The following NR6A1 variants were observed in gnomAD, a reference collection of about 807,000 sequenced individuals.
NR6A1 encodes the protein retinoic acid receptor-related testis-associated receptor.
In NR6A1, 7 loss-of-function variants were observed where a neutral mutation model predicts 59.1. The ratio of observed to expected loss-of-function variants is 0.12; its 90% CI spans 0.07 to 0.22. The LOEUF (loss-of-function observed/expected upper bound fraction) is 0.22. Ranked by LOEUF, NR6A1 falls within the 10% of genes least tolerant of loss-of-function variation. The pLI is 1.00. For synonymous variants in NR6A1, 243 were observed against 236.1 expected (o/e 1.03, Z -0.27); for missense variants, 468 against 611.6 (o/e 0.77, Z 2.48).
chr9:124,619,303 G>A lies in NR6A1; in HGVS notation c.143-64733C>T, dbSNP rs561441646. Among the ~76,000 whole-genome samples, 98 of 152,022 alleles carry A rather than the reference G, an allele frequency of 6.4e-4. 1 individual carries two copies. The South Asian group carries it at 0.018, about 28-fold the overall frequency. The stretch of plus-strand genomic sequence containing the variant: ...TTTTGAGACAGGGTCTCCCTCTGTC[G>A]CCCAGGCTGGAGTGCAGTGGCGCAA... On this transcript the variant is annotated intron_variant, in intron 2 of 9. Transcript: ENST00000487099.
At chr9:124,634,978 T>C (rs1451891811) in intron 2 of NR6A1, among the ~76,000 whole-genome samples, 1 of 152,166 alleles carries the variant, frequency 6.6e-6, no homozygotes, top group African/African-American at 2.4e-5. Flanking sequence ...TTGATACAAA[T>C]GATGAAACTA....
chr9:124,595,795 C>G (rs1413520095), intron 2 of NR6A1: 2 of 1,289,572 alleles, frequency 1.6e-6, no homozygotes, highest in Non-Finnish European at 2.0e-6. Context: ...CTGAAAAGTT[C>G]TATTGCAGCC....
At chr9:124,616,831 A>G (rs1236859360) in intron 2 of NR6A1, among the ~76,000 whole-genome samples, 1 of 152,196 alleles carries the variant, frequency 6.6e-6, no homozygotes, top group Non-Finnish European at 1.5e-5. Flanking sequence ...AATTAAAAAT[A>G]GTGGTATATT....
At chr9:124,733,275 AC>A in intron 2 of NR6A1, 32 bp downstream of exon 2, 1 of 1,551,166 alleles carries the variant, frequency 6.4e-7, no homozygotes, top group Admixed American at 1.7e-5. Flanking sequence ...TCCTTTTCTT[AC>A]CAAAGAATAT....
At chr9:124,603,652 T>C (rs954186496) in intron 2 of NR6A1, among the ~76,000 whole-genome samples, 1 of 152,204 alleles carries the variant, frequency 6.6e-6, no homozygotes, top group Non-Finnish European at 1.5e-5. Context: ...TTCCGAAATA[T>C]GAGACCAAGG....
At chr9:124,724,534 CA>C (rs778956782) in intron 2 of NR6A1, among the ~76,000 whole-genome samples, 544 of 127,002 alleles carry the variant, frequency 4.3e-3, no homozygotes, top group East Asian at 0.021. Flanking sequence ...TAGCACATAC[CA>C]AAAAAAAAAA....
intron 2 of NR6A1, among the ~76,000 whole-genome samples, chr9:124,674,157 A>G (rs915306304): frequency 6.6e-6 from 1 of 152,182 alleles, no homozygotes; most frequent in Non-Finnish European, 1.5e-5. Flanking sequence ...GTGCTCCATA[A>G]ATGTTAGCTG....
intron 2 of NR6A1, among the ~76,000 whole-genome samples, chr9:124,585,907 T>C (rs537958659): frequency 1.3e-5 from 2 of 152,298 alleles, no homozygotes; most frequent in African/African-American, 2.4e-5. Context: ...GATGACAGCA[T>C]GTATGTTTAT....
intron 2 of NR6A1, among the ~76,000 whole-genome samples, chr9:124,575,224 A>G (rs1564186192): frequency 1.3e-5 from 2 of 152,322 alleles, no homozygotes; most frequent in East Asian, 3.9e-4. Flanking sequence ...ATCAAAACCT[A>G]GTACAGTATA....
At chr9:124,582,561 AC>A (rs1221127502) in intron 2 of NR6A1, among the ~76,000 whole-genome samples, 1 of 151,724 alleles carries the variant, frequency 6.6e-6, no homozygotes, top group African/African-American at 2.4e-5. Flanking sequence ...CTGCACATGT[AC>A]CCCTGAACTT....
intron 2 of NR6A1, among the ~76,000 whole-genome samples, chr9:124,732,486 G>A (rs1298006433): frequency 6.6e-6 from 1 of 152,176 alleles, no homozygotes; most frequent in Non-Finnish European, 1.5e-5. Flanking sequence ...ACATAGTCCT[G>A]AAAAGCATCA....
intron 2 of NR6A1, among the ~76,000 whole-genome samples, chr9:124,613,863 A>G (rs1835819451): frequency 1.3e-5 from 2 of 152,222 alleles, no homozygotes; most frequent in South Asian, 4.1e-4. Context: ...AAGTTTACAG[A>G]TGGACTTCTG....
At chr9:124,632,161 T>G (rs1836464514) in intron 2 of NR6A1, among the ~76,000 whole-genome samples, 1 of 152,344 alleles carries the variant, frequency 6.6e-6, no homozygotes, top group East Asian at 1.9e-4. Context: ...ATAGAATGAT[T>G]TATATTCCTT....
intron 2 of NR6A1, among the ~76,000 whole-genome samples, chr9:124,559,184 G>A (rs968383766): frequency 1.3e-5 from 2 of 152,126 alleles, no homozygotes; most frequent in Non-Finnish European, 1.5e-5. Flanking sequence ...TTAAGAGTTA[G>A]AAAAGGCCTT....
intron 2 of NR6A1, among the ~76,000 whole-genome samples, chr9:124,644,153 C>T (rs968082471): frequency 4.6e-5 from 7 of 152,116 alleles, no homozygotes; most frequent in African/African-American, 1.7e-4. Flanking sequence ...CCACCCACCT[C>T]GGCCTCCCAA....
intron 2 of NR6A1, among the ~76,000 whole-genome samples, chr9:124,668,479 CA>C (rs1229280068): frequency 6.6e-6 from 1 of 152,082 alleles, no homozygotes; most frequent in Non-Finnish European, 1.5e-5. Context: ...TGCCACTATA[CA>C]AATGACACTG....
At chr9:124,644,005 A>G (rs1045672022) in intron 2 of NR6A1, among the ~76,000 whole-genome samples, 6 of 152,094 alleles carry the variant, frequency 3.9e-5, no homozygotes, top group African/African-American at 1.2e-4. Flanking sequence ...GGTTCAAGCG[A>G]TTCTCCAGCT....
chr9:124,618,954 CA>C (rs1835980599), intron 2 of NR6A1, among the ~76,000 whole-genome samples: 1 of 152,148 alleles, frequency 6.6e-6, no homozygotes, highest in South Asian at 2.1e-4. Context: ...TTAGCAGCAC[CA>C]AGATTCAAAT....
At chr9:124,614,117 T>A (rs1835828390) in intron 2 of NR6A1, among the ~76,000 whole-genome samples, 1 of 151,000 alleles carries the variant, frequency 6.6e-6, no homozygotes, top group South Asian at 2.1e-4. Context: ...GTCCCAAGAG[T>A]TGAGGATTAG....
Sources: allele counts gnomAD v4.1 joint callset (sites outside exome capture counted in the v4.1 genomes callset), GRCh38; gene constraint gnomAD v4.1.1; transcripts MANE v1.5; gene names NCBI Gene and HGNC (gene_info 2026-07-23, HGNC 2026-07-21).